TNS3: variants seen among roughly 807,000 people sequenced by gnomAD.
TNS3 encodes tensin-3.
In TNS3, 45 loss-of-function variants were observed where a neutral mutation model predicts 140.9. The ratio of observed to expected loss-of-function variants is 0.32; its 90% CI spans 0.25 to 0.41. The LOEUF (loss-of-function observed/expected upper bound fraction) is 0.41. Ranked by LOEUF, TNS3 falls within the 10% of genes least tolerant of loss-of-function variation. TNS3 has a pLI of 1.00. For synonymous variants in TNS3, 815 were observed against 788.4 expected (o/e 1.03, Z -0.56); for missense variants, 1,716 against 1,906.7 (o/e 0.90, Z 1.86).
chr7:47,556,336 T>TATTTAGA (rs923843480), intron 1 of TNS3, among the ~76,000 whole-genome samples: 2 of 152,062 alleles, frequency 1.3e-5, no homozygotes, highest in South Asian at 2.1e-4. Flanking sequence ...CCAGATAGAT[T>TATTTAGA]ATTTAGAGTC....
At chr7:47,401,026 G>A (rs1793130728) in intron 13 of TNS3, 112 bp from the exon 14 acceptor site, 1 of 1,472,914 alleles carries the variant, frequency 6.8e-7, no homozygotes, top group South Asian at 1.3e-5. Flanking sequence ...TCTGGACTCT[G>A]GCTGGGAGTT....
At chr7:47,316,380 AC>A (rs1787411958) in intron 20 of TNS3, among the ~76,000 whole-genome samples, 1 of 151,970 alleles carries the variant, frequency 6.6e-6, no homozygotes, top group Non-Finnish European at 1.5e-5. Context: ...CACATTGTCA[AC>A]CCCTGGGGCC....
intron 1 of TNS3, among the ~76,000 whole-genome samples, chr7:47,557,955 T>C (rs1417872538): frequency 2.0e-5 from 3 of 152,166 alleles, no homozygotes; most frequent in South Asian, 4.1e-4. Context: ...AGGCCTGCGG[T>C]GAGCAGGCCT....
At chr7:47,493,889 T>A (rs968264903) in intron 3 of TNS3, among the ~76,000 whole-genome samples, 3 of 151,672 alleles carry the variant, frequency 2.0e-5, no homozygotes, top group Non-Finnish European at 4.4e-5. Context: ...TCACAACTTA[T>A]CAAATCTTTT....
chr7:47,573,289 C>G (rs1220502438), intron 1 of TNS3, among the ~76,000 whole-genome samples: 1 of 152,208 alleles, frequency 6.6e-6, no homozygotes, highest in Non-Finnish European at 1.5e-5. Flanking sequence ...CTATTCTTCC[C>G]TTATGGGCTG....
At chr7:47,537,088 G>T (rs1401184785) in intron 1 of TNS3, among the ~76,000 whole-genome samples, 2 of 151,820 alleles carry the variant, frequency 1.3e-5, no homozygotes, top group East Asian at 3.9e-4. Context: ...TGGCCCAGGG[G>T]TCAGGGCGCG....
chr7:47,281,920 A>ATACCCC (rs1785163419), intron 28 of TNS3, among the ~76,000 whole-genome samples: 1 of 127,672 alleles, frequency 7.8e-6, no homozygotes, highest in African/African-American at 2.8e-5. Context: ...CAGCCTAGCC[A>ATACCCC]TGCCCCTGAC....
chr7:47,558,115 C>T (rs376569531), intron 1 of TNS3, among the ~76,000 whole-genome samples: 1 of 152,132 alleles, frequency 6.6e-6, no homozygotes, highest in Non-Finnish European at 1.5e-5. Flanking sequence ...TGGGTGCTGA[C>T]GCCTGTATAC....
intron 4 of TNS3, among the ~76,000 whole-genome samples, chr7:47,463,231 G>T (rs1397492170): frequency 6.6e-6 from 1 of 152,090 alleles, no homozygotes; most frequent in African/African-American, 2.4e-5. Flanking sequence ...GATCACCTGA[G>T]GTCAGGAGTT....
At chr7:47,559,078 G>A (rs535135828) in intron 1 of TNS3, among the ~76,000 whole-genome samples, 9 of 152,328 alleles carry the variant, frequency 5.9e-5, no homozygotes, top group Admixed American at 2.0e-4. Context: ...CAGGCAGGTC[G>A]TGGTGGTTCA....
chr7:47,374,680 G>A (rs2151183440), intron 16 of TNS3, among the ~76,000 whole-genome samples: 1 of 152,346 alleles, frequency 6.6e-6, no homozygotes, highest in African/African-American at 2.4e-5. Flanking sequence ...CCTGCTGTTT[G>A]CAGCCCCCAA....
chr7:47,306,892 T>C (rs1190203679), intron 20 of TNS3, among the ~76,000 whole-genome samples: 1 of 152,204 alleles, frequency 6.6e-6, no homozygotes, highest in Non-Finnish European at 1.5e-5. Context: ...TTTTAAAATA[T>C]ATTAATCAGC....
intron 9 of TNS3, among the ~76,000 whole-genome samples, chr7:47,425,318 AAACAACAAC>A (rs367840444): frequency 2.0e-5 from 3 of 151,912 alleles, no homozygotes; most frequent in Admixed American, 6.6e-5. Flanking sequence ...CTCCATCTCA[AAACAACAAC>A]AACAACAACA....
chr7:47,359,203 C>G lies in TNS3; in HGVS notation c.2281+9162G>C, dbSNP rs146790391. ...GCTCTATCCCAGCTGTGGAATATTA[C>G]TCTGCCAGGAGCAGTACTGAAGTTC... On this transcript the variant is annotated intron_variant, in intron 17 of 30. Coordinates refer to ENST00000311160, the MANE Select transcript of TNS3 (RefSeq NM_022748.12). 3.6e-3 allele frequency among the ~76,000 whole-genome samples: 546 copies of G among 152,308 alleles called. 4 individuals carry two copies. Among genetic ancestry groups the G allele is most frequent in the African/African-American group, 0.011 (462 of 41,572 alleles).
chr7:47,404,876 T>G (rs1043462839), intron 13 of TNS3, among the ~76,000 whole-genome samples: 1 of 151,348 alleles, frequency 6.6e-6, no homozygotes, highest in Non-Finnish European at 1.5e-5. Flanking sequence ...AGAGAGACAC[T>G]CAGTCTCAAA....
chr7:47,458,331 G>C (rs1796341975), intron 4 of TNS3, among the ~76,000 whole-genome samples: 1 of 152,188 alleles, frequency 6.6e-6, no homozygotes, highest in Non-Finnish European at 1.5e-5. Flanking sequence ...GCTGAGCACA[G>C]GGCATCCATT....
chr7:47,315,523 C>G (rs979869542), intron 20 of TNS3, among the ~76,000 whole-genome samples: 1 of 152,210 alleles, frequency 6.6e-6, no homozygotes, highest in Non-Finnish European at 1.5e-5. Context: ...TTTTTATGCT[C>G]TCATCCAGGC....
intron 1 of TNS3, among the ~76,000 whole-genome samples, chr7:47,571,242 C>T (rs1308281813): frequency 6.6e-6 from 1 of 152,258 alleles, no homozygotes; most frequent in African/African-American, 2.4e-5. Flanking sequence ...GACAGCTACT[C>T]CTAACAGCTC....
intron 13 of TNS3, among the ~76,000 whole-genome samples, chr7:47,411,521 G>A (rs181098257): frequency 3.3e-5 from 5 of 152,344 alleles, no homozygotes; most frequent in East Asian, 1.9e-4. Flanking sequence ...TCGCTGGCCC[G>A]GTTCCTAACA....
Sources: allele counts gnomAD v4.1 joint callset (sites outside exome capture counted in the v4.1 genomes callset), GRCh38; gene constraint gnomAD v4.1.1; transcripts MANE v1.5; gene names NCBI Gene and HGNC (gene_info 2026-07-23, HGNC 2026-07-21).